The following GPALPP1 variants were observed in gnomAD, a reference collection of about 807,000 sequenced individuals.
GPALPP1 encodes GPALPP motifs-containing protein 1.
A neutral mutation model predicts 38.9 loss-of-function variants in GPALPP1; 30 were observed. That is an observed-to-expected ratio of 0.77 (90% CI 0.58 to 1.05). The LOEUF is 1.05. GPALPP1 is among the 50% of genes least tolerant of loss of function. GPALPP1 has a pLI of 0.00. For synonymous variants in GPALPP1, 120 were observed against 139.2 expected (o/e 0.86, Z 0.97); for missense variants, 384 against 408.8 (o/e 0.94, Z 0.52).
At chr13:45,033,723 A>G (rs1257627632), downstream of GPALPP1, 1 of 152,218 alleles carries the variant, frequency 6.6e-6, no homozygotes, top group Non-Finnish European at 1.5e-5. Flanking sequence ...ATTGTAGGCT[A>G]TTGTAAAAAA....
chr13:45,021,462 G>T (rs936695373), intron 7 of GPALPP1, among the ~76,000 whole-genome samples: 1 of 151,996 alleles, frequency 6.6e-6, no homozygotes, highest in Non-Finnish European at 1.5e-5. Context: ...TGACCACAAA[G>T]AATTGAAGTT....
chr13:45,024,207 GTT>G (rs1358796632), intron 7 of GPALPP1, among the ~76,000 whole-genome samples: 4 of 63,786 alleles, frequency 6.3e-5, no homozygotes, highest in Non-Finnish European at 8.8e-5. Flanking sequence ...GTGTGTGTGT[GTT>G]TTGAGACTGA....
intron 2 of GPALPP1, among the ~76,000 whole-genome samples, chr13:45,004,771 C>CT (rs1305773111): frequency 6.6e-6 from 1 of 152,062 alleles, no homozygotes; most frequent in African/African-American, 2.4e-5. Flanking sequence ...CCTCAGTCTT[C>CT]TGAGAAGCTG....
intron 6 of GPALPP1, among the ~76,000 whole-genome samples, chr13:45,016,652 G>GT (rs941451905): frequency 6.6e-6 from 1 of 151,928 alleles, no homozygotes; most frequent in African/African-American, 2.4e-5. Flanking sequence ...TTGGTTGTTT[G>GT]TTTTTTAAGA....
intron 1 of GPALPP1, among the ~76,000 whole-genome samples, chr13:44,991,524 G>T (rs2137941960): frequency 1.3e-5 from 2 of 152,274 alleles, no homozygotes; most frequent in South Asian, 4.1e-4. Flanking sequence ...CTTACACGTA[G>T]TGTGTCATTT....
chr13:45,027,778 T>C lies in GPALPP1; in HGVS notation c.805-7T>C. 2 of 1,333,810 alleles carry C rather than the reference T, an allele frequency of 1.5e-6. No individual in the cohort carries two copies. Among genetic ancestry groups the C allele is most frequent in the Middle Eastern group, 1.9e-4 (1 of 5,202 alleles). 82.6% of individuals were successfully genotyped at this position (1,333,810 alleles called of 1,614,324 possible). A position where few individuals can be genotyped will look rare whatever the true frequency, so the allele number is the denominator to read the frequency against. ...AGTTTTTATTTCTGCTCTCCTGCTC[T>C]CTCCAGGAATCAAAAAGATCAGAAT... On this transcript the variant is annotated splice_polypyrimidine_tract_variant and splice_region_variant and intron_variant, in intron 7 of 7. Transcript: ENST00000379151.
At chr13:45,017,068 T>G (rs945562136) in intron 6 of GPALPP1, among the ~76,000 whole-genome samples, 9 of 152,252 alleles carry the variant, frequency 5.9e-5, no homozygotes, top group South Asian at 2.1e-4. Flanking sequence ...TAGCTCTGTT[T>G]GTATTACTCA....
intron 1 of GPALPP1, among the ~76,000 whole-genome samples, chr13:44,998,253 T>C (rs920558064): frequency 1.3e-5 from 2 of 152,154 alleles, no homozygotes; most frequent in Non-Finnish European, 2.9e-5. Flanking sequence ...TCTGACTCCC[T>C]TCCCTGTCCT....
intron 4 of GPALPP1, among the ~76,000 whole-genome samples, chr13:45,011,556 T>C (rs1874479772): frequency 6.6e-6 from 1 of 152,116 alleles, no homozygotes. Context: ...GGGAAGCCCC[T>C]GATGAAACCA....
chr13:44,991,768 G>A (rs953617223), intron 1 of GPALPP1, among the ~76,000 whole-genome samples: 1 of 152,164 alleles, frequency 6.6e-6, no homozygotes, highest in Non-Finnish European at 1.5e-5. Flanking sequence ...CAACCAGAGG[G>A]TAACTGCTTC....
intron 4 of GPALPP1, among the ~76,000 whole-genome samples, chr13:45,010,865 G>A (rs1874421298): frequency 6.6e-6 from 1 of 152,142 alleles, no homozygotes. Flanking sequence ...CATGCCTGTG[G>A]TGCCAGCTAC....
intron 7 of GPALPP1, among the ~76,000 whole-genome samples, chr13:45,026,523 A>T (rs1875843428): frequency 6.6e-6 from 1 of 152,190 alleles, no homozygotes; most frequent in Non-Finnish European, 1.5e-5. Context: ...AGATAAAATA[A>T]GATACTGTCA....
chr13:45,018,158 GA>G (rs1280568553), intron 6 of GPALPP1, among the ~76,000 whole-genome samples: 1 of 152,208 alleles, frequency 6.6e-6, no homozygotes, highest in Non-Finnish European at 1.5e-5. Context: ...AACACTTTGG[GA>G]GGCTGAGGTG....
At chr13:45,025,145 A>G (rs1039766148) in intron 7 of GPALPP1, among the ~76,000 whole-genome samples, 2 of 152,214 alleles carry the variant, frequency 1.3e-5, no homozygotes, top group African/African-American at 4.8e-5. Flanking sequence ...AAAAATAGAA[A>G]CAAAAAAAAT....
At chr13:44,994,062 C>T (rs1164566200) in intron 1 of GPALPP1, among the ~76,000 whole-genome samples, 1 of 151,024 alleles carries the variant, frequency 6.6e-6, no homozygotes, top group Non-Finnish European at 1.5e-5. Context: ...GGCAAAACCC[C>T]ATCTCTACAA....
At chr13:45,037,311 A>C (rs1317684894) in exon 8 of GPALPP1, 1 of 152,190 alleles carries the variant, frequency 6.6e-6, no homozygotes, top group African/African-American at 2.4e-5. Flanking sequence ...TATGTATATA[A>C]TATGATGATT....
chr13:45,022,625 T>G (rs1184215177), intron 7 of GPALPP1, among the ~76,000 whole-genome samples: 1 of 152,174 alleles, frequency 6.6e-6, no homozygotes. Context: ...CTAGAAACCT[T>G]AGCTTTTGAT....
intron 7 of GPALPP1, 45 bp downstream of exon 7, chr13:45,020,473 T>G (rs774052405): frequency 1.2e-6 from 1 of 804,908 alleles, no homozygotes; most frequent in Non-Finnish European, 2.2e-6. Flanking sequence ...TGATGGCTCT[T>G]GCCTATAATC....
rs1876112381 is a variant in GPALPP1, at chr13:45,030,000, G to A, written c.*1997G>A. Reference sequence around the variant, plus strand: ...TTTCTGAGTCCTGGAACTTTGCTTTGGGACAACTTTACTTTACCCATTTAT... The same window carrying A: ...TTTCTGAGTCCTGGAACTTTGCTTTAGGACAACTTTACTTTACCCATTTAT... On this transcript the variant is annotated 3_prime_UTR_variant, in exon 8 of 8. Transcript: ENST00000379151. The A allele has an allele frequency of 1.3e-5, 2 of 149,750 alleles. No homozygotes were observed. Among genetic ancestry groups the A allele is most frequent in the Admixed American group, 6.7e-5 (1 of 14,952 alleles). The allele number at this position is 149,750 out of a possible 1,614,324, so 9.3% of individuals were successfully genotyped here.
Sources: allele counts gnomAD v4.1 joint callset (sites outside exome capture counted in the v4.1 genomes callset), GRCh38; gene constraint gnomAD v4.1.1; transcripts MANE v1.5; gene names NCBI Gene and HGNC (gene_info 2026-07-23, HGNC 2026-07-21).